Variants in TRPM4 observed in about 807,000 individuals in gnomAD.
TRPM4 encodes the protein calcium-activated non-selective cation channel 1.
Under a neutral mutation model 135.6 loss-of-function variants are expected in TRPM4, and 124 were observed. The ratio of observed to expected loss-of-function variants is 0.91; its 90% CI spans 0.79 to 1.06. TRPM4 has a LOEUF of 1.06. Ranked by LOEUF, TRPM4 falls within the 50% of genes least tolerant of loss-of-function variation. The pLI, the probability that TRPM4 is intolerant of heterozygous loss-of-function variation, is 0.00. For synonymous variants in TRPM4, 745 were observed against 705.6 expected, an observed-to-expected ratio of 1.06 and a Z score of -0.88; for missense variants, 1,658 against 1,671.4, an observed-to-expected ratio of 0.99 and a Z score of 0.14.
chr19:49,202,087 T>C lies in TRPM4; in HGVS notation c.3077T>C (p.Ile1026Thr). Residue 1026 changes from isoleucine to threonine, a missense_variant, in exon 20 of 25, where the codon ATC (isoleucine) becomes ACC (threonine). By Grantham distance (89) the Ile-to-Thr change is moderately conservative. Coordinates refer to ENST00000252826, the MANE Select transcript of TRPM4 (RefSeq NM_017636.4). Reference sequence around the variant, plus strand: ...TGGCTGGTGGTGCTGCTCCTCGTCATCTTCCTGCTCGTGGCCAACATCCTG... The same window carrying C: ...TGGCTGGTGGTGCTGCTCCTCGTCACCTTCCTGCTCGTGGCCAACATCCTG... ...ANWLVVLLLVIFLLVANILLV... is the reference protein window; with the variant it reads ...ANWLVVLLLVTFLLVANILLV... The C allele has an allele frequency of 6.2e-7, 1 of 1,614,120 alleles. No individual in the cohort carries two copies. The highest frequency in any genetic ancestry group is 8.5e-7 in the Non-Finnish European group (1 of 1,180,034).
Position 49,200,620 on chromosome 19 carries a change from GTGTTCTTCTTCC to G in TRPM4, c.2790_2801del (p.Phe933_Phe936del), listed in dbSNP as rs766411419. On this transcript the variant is annotated inframe_deletion, in exon 19 of 25. Transcript: ENST00000252826. ...CCACATCTCCCCACAGATGAAGGAC[GTGTTCTTCTTCC>G]TCTTCTTCCTCGGCGTGTGGCTGGT... 1.4e-5 allele frequency: 22 copies of G among 1,613,022 alleles called. No homozygotes were observed. Among genetic ancestry groups the G allele is most frequent in the Non-Finnish European group, 1.6e-5 (19 of 1,180,014 alleles).
chr19:49,189,115 C>T (rs1204239320), intron 14 of TRPM4, 24 bp downstream of exon 14: 2 of 1,613,884 alleles, frequency 1.2e-6, no homozygotes, highest in Non-Finnish European at 1.7e-6. Flanking sequence ...ACACCAACAT[C>T]CCAAACAGTC....
chr19:49,211,351 G>A lies in TRPM4; in HGVS notation c.3640+82G>A. 6.4e-7 allele frequency: 1 copy of A among 1,572,266 alleles called. No individual in the cohort carries two copies. The highest frequency in any genetic ancestry group is 2.2e-5 in the East Asian group (1 of 44,716). ...GTTTTTCTCTCTCGGCACCTTTCCA[G>A]TGTCCCTGGGTCACTCTCTTGGTCT... On this transcript the variant is annotated intron_variant, in intron 24 of 24. Coordinates refer to ENST00000252826, the MANE Select transcript of TRPM4 (RefSeq NM_017636.4). This position sits in a 1 kb window ranked among gnomAD's most constrained non-coding sequence, Gnocchi z 4.8.
At chr19:49,182,376 C>A (rs922350106) in intron 10 of TRPM4, 5 of 633,468 alleles carry the variant, frequency 7.9e-6, no homozygotes, top group South Asian at 1.8e-5. Context: ...ATCCATCCAT[C>A]CATCCATCCA....
intron 2 of TRPM4, chr19:49,159,083 G>GTGC (rs2041584717): frequency 6.8e-6 from 1 of 146,488 alleles, no homozygotes; most frequent in South Asian, 2.2e-4. Flanking sequence ...CCAGGCTGGA[G>GTGC]TGCAGTGGCG....
At chr19:49,158,591 CATT>C in intron 2 of TRPM4, 1 of 246,340 alleles carries the variant, frequency 4.1e-6, no homozygotes, top group Non-Finnish European at 7.8e-6. Flanking sequence ...CTGTTTCATT[CATT>C]CATTCATTCA....
chr19:49,157,954 G>A, intron 1 of TRPM4, 64 bp downstream of exon 1: 1 of 1,511,424 alleles, frequency 6.6e-7, no homozygotes. Flanking sequence ...GGCTCCCAGA[G>A]AGGAGGGCGC....
At chr19:49,204,441 T>C (rs1342311515) in intron 20 of TRPM4, among the ~76,000 whole-genome samples, 1 of 151,730 alleles carries the variant, frequency 6.6e-6, no homozygotes, top group Non-Finnish European at 1.5e-5. Flanking sequence ...TTTGTAAAAA[T>C]TATAGTCATC....
At position 49,168,514 on chromosome 19, in the gene TRPM4, C is replaced by T. The variant is rs113159745; in HGVS notation, c.613-39C>T. ...GGGCTCGTGTTTGTCCTTCTGGCCCCGATGAGGAGACGCCCTGGTCTGGCC... is the reference window on the plus strand; with the variant it reads ...GGGCTCGTGTTTGTCCTTCTGGCCCTGATGAGGAGACGCCCTGGTCTGGCC... On this transcript the variant is annotated intron_variant, in intron 5 of 24. Transcript: ENST00000252826. 27,349 of 1,613,666 alleles carry T rather than the reference C, an allele frequency of 0.017. 380 individuals are homozygous for T. The highest frequency in any genetic ancestry group is 0.035 in the South Asian group (3,157 of 91,076).
intron 16 of TRPM4, among the ~76,000 whole-genome samples, chr19:49,193,165 C>G (rs1968477447): frequency 6.7e-6 from 1 of 150,308 alleles, no homozygotes; most frequent in Non-Finnish European, 1.5e-5. Context: ...ACTGCAAGCT[C>G]CTCCTCCCGG....
At chr19:49,192,293 C>A (rs1968441740) in intron 16 of TRPM4, among the ~76,000 whole-genome samples, 1 of 152,132 alleles carries the variant, frequency 6.6e-6, no homozygotes. Context: ...CAGTCACCTG[C>A]CACCACGCCC....
Position 49,204,451 on chromosome 19 carries a change from C to A in TRPM4, c.3131+2310C>A, listed in dbSNP as rs113348148. On this transcript the variant is annotated intron_variant, in intron 20 of 24. Coordinates refer to ENST00000252826, the MANE Select transcript of TRPM4 (RefSeq NM_017636.4). ...TTCCTTTTGTAAAAATTATAGTCAT[C>A]CAGCTGGGTGTAGTGGCTCATGCCT... Among the ~76,000 whole-genome samples, 369 of 151,834 alleles carry A rather than the reference C, an allele frequency of 2.4e-3. 1 individual carries two copies. Among genetic ancestry groups the A allele is most frequent in the African/African-American group, 8.2e-3 (340 of 41,416 alleles).
At chr19:49,206,890 C>G (rs79526735) in intron 20 of TRPM4, among the ~76,000 whole-genome samples, 3 of 152,118 alleles carry the variant, frequency 2.0e-5, no homozygotes, top group Non-Finnish European at 4.4e-5. Flanking sequence ...TAACTTTATT[C>G]CTAGGTGCTT....
chr19:49,208,424 C>T (rs1440066398), intron 20 of TRPM4, among the ~76,000 whole-genome samples: 3 of 152,102 alleles, frequency 2.0e-5, no homozygotes, highest in African/African-American at 7.2e-5. Flanking sequence ...CGCTTGGTAA[C>T]GGGAATCTTC....
At chr19:49,204,960 T>G (rs1437568588) in intron 20 of TRPM4, among the ~76,000 whole-genome samples, 1 of 147,630 alleles carries the variant, frequency 6.8e-6, no homozygotes, top group Non-Finnish European at 1.5e-5. Context: ...TGAGAAAATA[T>G]AAAATTTCAT....
Position 49,211,229 on chromosome 19 carries a change from C to T in TRPM4, c.3600C>T (p.Pro1200=). Residue 1200 remains proline, a synonymous_variant, in exon 24 of 25, where the codon CCC becomes CCT. Transcript: ENST00000252826. This position sits in a 1 kb window ranked among gnomAD's most constrained non-coding sequence, Gnocchi z 4.8. Reference sequence around the variant, plus strand: ...CCCTGAGCCGCTCTGCCTTGCTGCCCCCAGGTGGGCCGCCACCCCCTGACC... The same window carrying T: ...CCCTGAGCCGCTCTGCCTTGCTGCCTCCAGGTGGGCCGCCACCCCCTGACC... ...AEALSRSALL[P]PGGPPPPDLP... 1 of 1,592,596 alleles carries T rather than the reference C, an allele frequency of 6.3e-7. No homozygotes were observed. The highest frequency in any genetic ancestry group is 8.5e-7 in the Non-Finnish European group (1 of 1,170,308).
Position 49,196,762 on chromosome 19 carries a change from C to A in TRPM4, c.2533C>A (p.Pro845Thr). ...CGGGGGCAGCCTCGCCAGCGGGGGCCCCGGGCCTGGCCATGCCTCACTGAG... is the reference window on the plus strand; with the variant it reads ...CGGGGGCAGCCTCGCCAGCGGGGGCACCGGGCCTGGCCATGCCTCACTGAG... The part of the protein sequence containing the change: ...GGGGSLASGG[P>T]GPGHASLSQR... Residue 845 changes from proline to threonine, a missense_variant, in exon 17 of 25, where the codon CCC becomes ACC. By Grantham distance (38) the Pro-to-Thr change is conservative. Coordinates refer to ENST00000252826, the MANE Select transcript of TRPM4 (RefSeq NM_017636.4). 1 of 1,552,782 alleles carries A rather than the reference C, an allele frequency of 6.4e-7. No homozygotes were observed. Among genetic ancestry groups the A allele is most frequent in the Non-Finnish European group, 8.6e-7 (1 of 1,156,146 alleles).
chr19:49,182,219 T>C (rs1344111556), intron 10 of TRPM4, among the ~76,000 whole-genome samples: 1 of 143,822 alleles, frequency 7.0e-6, no homozygotes, highest in African/African-American at 2.9e-5. Context: ...TATCCATTCA[T>C]CCATCCATCC....
At position 49,196,396 on chromosome 19, in the gene TRPM4, A is replaced by G. The variant is rs1968634220; in HGVS notation, c.2211-44A>G. 7 of 1,481,416 alleles carry G rather than the reference A, an allele frequency of 4.7e-6. No homozygotes were observed. In the South Asian group the frequency reaches 8.0e-5, roughly 17 times the overall value. 91.8% of individuals were successfully genotyped at this position (1,481,416 alleles called of 1,614,324 possible). A position where few individuals can be genotyped will look rare whatever the true frequency, so the allele number is the denominator to read the frequency against. Reference sequence around the variant, plus strand: ...GATGATGGTGGAGATCAGGACTCAGAGGTCAGAGTGAGGCCTCCTCCCTTC... The same window carrying G: ...GATGATGGTGGAGATCAGGACTCAGGGGTCAGAGTGAGGCCTCCTCCCTTC... On this transcript the variant is annotated intron_variant, in intron 16 of 24. Transcript: ENST00000252826.
Sources: gnomAD v4.1 joint callset for allele counts (sites outside exome capture counted in the v4.1 genomes callset) on GRCh38, gnomAD v4.1.1 for gene constraint, Gnocchi (gnomAD v3.1) non-coding constraint, MANE v1.5 for transcripts, NCBI Gene and HGNC (gene_info 2026-07-23, HGNC 2026-07-21) for gene names.